Variants in INPP5D observed in about 807,000 individuals in gnomAD.
The protein encoded by INPP5D is inositol polyphosphate-5-phosphatase D, also known as phosphatidylinositol 3,4,5-trisphosphate 5-phosphatase 1.
A neutral mutation model predicts 122.9 loss-of-function variants in INPP5D; 33 were observed. The ratio of observed to expected loss-of-function variants is 0.27; its 90% confidence interval spans 0.20 to 0.36. The LOEUF is 0.36. INPP5D is among the 10% of genes least tolerant of loss of function. INPP5D has a pLI of 1.00. For missense variants in INPP5D, 1,053 were observed against 1,412.7 expected, an observed-to-expected ratio of 0.75 and a Z score of 4.08; for synonymous variants, 584 against 576.2, an observed-to-expected ratio of 1.01 and a Z score of -0.19.
At chr2:233,089,190 C>G (rs1691928622) in intron 2 of INPP5D, among the ~76,000 whole-genome samples, 1 of 152,056 alleles carries the variant, frequency 6.6e-6, no homozygotes, top group African/African-American at 2.4e-5. Flanking sequence ...ACGGGAGGGA[C>G]CAGCGGGAGG....
chr2:233,081,746 G>A (rs1041060297), intron 2 of INPP5D, among the ~76,000 whole-genome samples: 2 of 152,088 alleles, frequency 1.3e-5, no homozygotes, highest in Non-Finnish European at 2.9e-5. Context: ...CCGCCCTAGG[G>A]CCTTGGAACC....
intron 1 of INPP5D, among the ~76,000 whole-genome samples, chr2:233,062,617 G>T (rs141397867): frequency 6.6e-6 from 1 of 152,324 alleles, no homozygotes; most frequent in East Asian, 1.9e-4. Flanking sequence ...GGTGCCTACA[G>T]ATGTCCACTA....
intron 9 of INPP5D, among the ~76,000 whole-genome samples, chr2:233,153,258 G>T (rs1693968996): frequency 1.3e-5 from 2 of 152,244 alleles, no homozygotes; most frequent in South Asian, 2.1e-4. Context: ...GACATGGCCT[G>T]ATCGTAGCAG....
At chr2:233,200,420 T>C (rs562920442) in intron 25 of INPP5D, among the ~76,000 whole-genome samples, 1 of 152,368 alleles carries the variant, frequency 6.6e-6, no homozygotes, top group African/African-American at 2.4e-5. Context: ...TGCTGGCTTA[T>C]CATAACCTCA....
rs533056751 is a variant in INPP5D, at chr2:233,107,700, C to G, written c.199-14407C>G. Among the ~76,000 whole-genome samples, 11 of 152,232 alleles carry G rather than the reference C, an allele frequency of 7.2e-5. No individual in the cohort carries two copies. In the East Asian group the frequency reaches 1.9e-3, roughly 27 times the overall value. ...AGTGCCAGGGCCCCCCAGCCCTGGA[C>G]AGCAAGGGCCTGGGGGAGGGGTTAC... On this transcript the variant is annotated intron_variant, in intron 2 of 26. Coordinates refer to ENST00000445964, the MANE Select transcript of INPP5D (RefSeq NM_001017915.3).
intron 2 of INPP5D, among the ~76,000 whole-genome samples, chr2:233,099,046 G>A (rs1481374872): frequency 6.6e-6 from 1 of 151,974 alleles, no homozygotes; most frequent in East Asian, 1.9e-4. Context: ...CCGCCTCCTT[G>A]TTCAAGCAAT....
chr2:233,092,176 C>T (rs1692010055), intron 2 of INPP5D, among the ~76,000 whole-genome samples: 1 of 152,214 alleles, frequency 6.6e-6, no homozygotes, highest in Non-Finnish European at 1.5e-5. Context: ...GCCGGAGTGA[C>T]TGGGGGCCCG....
At chr2:233,146,780 A>T (rs1257642700) in intron 8 of INPP5D, among the ~76,000 whole-genome samples, 1 of 148,936 alleles carries the variant, frequency 6.7e-6, no homozygotes, top group South Asian at 2.1e-4. Flanking sequence ...TGGGGAATTC[A>T]GAAAAAAAAT....
intron 26 of INPP5D, 174 bp downstream of exon 26, chr2:233,204,891 C>G: frequency 8.8e-7 from 1 of 1,132,916 alleles, no homozygotes; most frequent in East Asian, 3.0e-5. Context: ...GGGAACTGCT[C>G]CATGAGAAGG....
rs1269056870 is a variant in INPP5D at position 233,198,978 on chromosome 2, G to A, written c.2975+602G>A. On this transcript the variant is annotated intron_variant, in intron 25 of 26. Transcript: ENST00000445964. ...AAAACAACAAATTTCGGCCGGGCAC[G>A]GTGGCTCACGCCTGTAATCCCAGCA... Among the ~76,000 whole-genome samples, 11 of 151,218 alleles carry A rather than the reference G, an allele frequency of 7.3e-5. 1 individual carries two copies. Among genetic ancestry groups the A allele is most frequent in the South Asian group, 4.2e-4 (2 of 4,800 alleles).
rs1394475057 is a variant in INPP5D, at chr2:233,128,960, A to G, written c.525-1548A>G. ...CTTTGGGAGCCTGAGGCAGTGGATC[A>G]CCTGAGGTCAGCCTGGCCAACATGG... On this transcript the variant is annotated intron_variant, in intron 4 of 26. Coordinates refer to ENST00000445964, the MANE Select transcript of INPP5D (RefSeq NM_001017915.3). This position sits in a 1 kb window ranked among gnomAD's most constrained non-coding sequence, Gnocchi z 4.5. 2.0e-5 allele frequency among the ~76,000 whole-genome samples: 3 copies of G among 152,008 alleles called. No individual in the cohort carries two copies. Among genetic ancestry groups the G allele is most frequent in the Non-Finnish European group, 2.9e-5 (2 of 67,984 alleles).
intron 6 of INPP5D, 154 bp from the exon 7 acceptor site, chr2:233,146,008 C>T (rs1693749599): frequency 1.4e-6 from 1 of 702,038 alleles, no homozygotes; most frequent in African/African-American, 1.8e-5. Context: ...GTAGAGATCC[C>T]TGTGTCCTCA....
Position 233,199,243 on chromosome 2 carries a change from C to T in INPP5D, c.2975+867C>T, listed in dbSNP as rs560330020. On this transcript the variant is annotated intron_variant, in intron 25 of 26. Transcript: ENST00000445964. ...ACAGAACGAGACTCCATAAAAATGC[C>T]AGGTGTGGTGGTGCATGCCTGTAAT... Among the ~76,000 whole-genome samples the T allele has an allele frequency of 3.7e-5, 5 of 135,246 alleles. No homozygotes were observed. The South Asian group carries it at 1.2e-3, about 33-fold the overall frequency. The allele number at this position is 135,246 out of a possible 152,430, so 88.7% of individuals were successfully genotyped here. A position where few individuals can be genotyped will look rare whatever the true frequency, so the allele number is the denominator to read the frequency against.
At chr2:233,095,499 T>G (rs1449175349) in intron 2 of INPP5D, among the ~76,000 whole-genome samples, 2 of 151,698 alleles carry the variant, frequency 1.3e-5, no homozygotes, top group Non-Finnish European at 2.9e-5. Context: ...GGTGGGCACC[T>G]GTAATCCCAG....
At chr2:233,093,941 G>C (rs1412883326) in intron 2 of INPP5D, among the ~76,000 whole-genome samples, 3 of 151,982 alleles carry the variant, frequency 2.0e-5, no homozygotes, top group Admixed American at 2.0e-4. Context: ...TCTGCCTCCT[G>C]GCCCGTTTTC....
At chr2:233,140,220 A>T in intron 6 of INPP5D, 1 of 199,640 alleles carries the variant, frequency 5.0e-6, no homozygotes, top group East Asian at 1.1e-4. Context: ...TGTTCCCATC[A>T]TTTCTTATCA....
At chr2:233,124,696 G>A (rs145935147) in intron 3 of INPP5D, among the ~76,000 whole-genome samples, 366 of 152,334 alleles carry the variant, frequency 2.4e-3, no homozygotes, top group Non-Finnish European at 4.5e-3. Flanking sequence ...CACTCCCCTC[G>A]GGCTGCCCAT....
chr2:233,119,898 C>T (rs542118805), intron 2 of INPP5D, among the ~76,000 whole-genome samples: 6 of 152,310 alleles, frequency 3.9e-5, no homozygotes, highest in African/African-American at 9.6e-5. Flanking sequence ...CCTGTAATCC[C>T]GAAGACCTTC....
At chr2:233,114,418 G>T (rs1367439875) in intron 2 of INPP5D, among the ~76,000 whole-genome samples, 1 of 152,224 alleles carries the variant, frequency 6.6e-6, no homozygotes, top group Non-Finnish European at 1.5e-5. Context: ...TTGCAGAGCG[G>T]GGAGAGGCCA....
Sources: gnomAD v4.1 joint callset for allele counts (sites outside exome capture counted in the v4.1 genomes callset) on GRCh38, gnomAD v4.1.1 for gene constraint, Gnocchi (gnomAD v3.1) non-coding constraint, MANE v1.5 for transcripts, NCBI Gene and HGNC (gene_info 2026-07-23, HGNC 2026-07-21) for gene names.